Variants in VPS13A observed in about 807,000 individuals in gnomAD.
VPS13A encodes the protein vacuolar protein sorting 13 homolog A.
VPS13A carries 264 observed loss-of-function variants against 390.9 expected under a neutral mutation model. The observed-to-expected ratio is 0.68, with a 90% CI of 0.61 to 0.75. The LOEUF is 0.75. Ranked by LOEUF, VPS13A falls within the 30% of genes least tolerant of loss-of-function variation. VPS13A has a pLI of 0.00. For synonymous variants in VPS13A, 1,231 were observed against 1,227.1 expected (o/e 1.00, Z -0.07); for missense variants, 3,409 against 3,733.9 (o/e 0.91, Z 2.27).
intron 50 of VPS13A, among the ~76,000 whole-genome samples, chr9:77,341,690 C>CTTTTTT (rs1830821898): frequency 1.7e-4 from 4 of 23,562 alleles, no homozygotes; most frequent in African/African-American, 7.6e-4. Context: ...GGACATCTTT[C>CTTTTTT]CTTTTTTTTT....
intron 13 of VPS13A, among the ~76,000 whole-genome samples, chr9:77,222,228 G>A (rs1182347897): frequency 6.6e-6 from 1 of 152,028 alleles, no homozygotes; most frequent in Non-Finnish European, 1.5e-5. Context: ...GAGTCTTTGG[G>A]GGATGGGTTC....
At chr9:77,204,991 G>T (rs1825553600) in intron 3 of VPS13A, among the ~76,000 whole-genome samples, 1 of 152,122 alleles carries the variant, frequency 6.6e-6, no homozygotes, top group Non-Finnish European at 1.5e-5. Context: ...GAAATTCAAA[G>T]TTATGATATT....
At chr9:77,357,434 C>G (rs1018638560) in intron 55 of VPS13A, among the ~76,000 whole-genome samples, 1 of 143,022 alleles carries the variant, frequency 7.0e-6, no homozygotes, top group Non-Finnish European at 1.5e-5. Flanking sequence ...TTTCACTGTA[C>G]TTTCTTTAAA....
Position 77,332,061 on chromosome 9 carries a change from T to C in VPS13A, c.6043T>C (p.Leu2015=), listed in dbSNP as rs1297538852. 4 of 1,612,380 alleles carry C rather than the reference T, an allele frequency of 2.5e-6. No individual in the cohort carries two copies. Among genetic ancestry groups the C allele is most frequent in the Admixed American group, 1.7e-5 (1 of 59,978 alleles). ...PLSVYEGDTL[L]GTASPENEFN... is the part of the protein sequence containing the mutation. The stretch of plus-strand genomic sequence containing the variant: ...GTCTGTTTACGAAGGGGATACCTTA[T>C]TGGGAACTGCCTCACCTGAAAATGA... Residue 2015 remains leucine, a synonymous_variant, in exon 46 of 72, where the codon TTG becomes CTG. Coordinates refer to ENST00000360280, the MANE Select transcript of VPS13A (RefSeq NM_033305.3).
intron 59 of VPS13A, among the ~76,000 whole-genome samples, chr9:77,362,076 A>G (rs772717327): frequency 6.6e-6 from 1 of 152,156 alleles, no homozygotes; most frequent in African/African-American, 2.4e-5. Flanking sequence ...CTTATCAGAT[A>G]CATAATTTTC....
intron 10 of VPS13A, among the ~76,000 whole-genome samples, chr9:77,216,195 A>C (rs770174048): frequency 1.3e-5 from 2 of 152,188 alleles, no homozygotes; most frequent in Non-Finnish European, 2.9e-5. Context: ...TTTTCTCTAC[A>C]TTCTCTGCCT....
intron 68 of VPS13A, chr9:77,382,438 G>C: frequency 7.2e-7 from 1 of 1,398,512 alleles, no homozygotes; most frequent in Non-Finnish European, 9.3e-7. Context: ...GAATTTTAAT[G>C]AATCTGGTTT....
At chr9:77,180,088 A>T (rs1312218205) in intron 1 of VPS13A, among the ~76,000 whole-genome samples, 1 of 152,184 alleles carries the variant, frequency 6.6e-6, no homozygotes, top group African/African-American at 2.4e-5. Flanking sequence ...CATAGACCAC[A>T]ATTTATTTAT....
chr9:77,315,031 T>C (rs1390097775), intron 37 of VPS13A, among the ~76,000 whole-genome samples: 1 of 152,182 alleles, frequency 6.6e-6, no homozygotes, highest in African/African-American at 2.4e-5. Context: ...ATTCAAACTC[T>C]TATAATTTAT....
intron 69 of VPS13A, among the ~76,000 whole-genome samples, chr9:77,405,112 CA>C (rs1191118798): frequency 6.6e-6 from 1 of 151,962 alleles, no homozygotes; most frequent in East Asian, 1.9e-4. Context: ...TTCTTATAGA[CA>C]GAAGGTATTT....
At chr9:77,382,174 T>C in intron 68 of VPS13A, 87 bp downstream of exon 68, 1 of 1,332,598 alleles carries the variant, frequency 7.5e-7, no homozygotes, top group East Asian at 2.6e-5. Flanking sequence ...ATTAAATTAT[T>C]TGGGCTTTTA....
intron 1 of VPS13A, among the ~76,000 whole-genome samples, chr9:77,190,987 G>C (rs895330916): frequency 2.6e-5 from 4 of 151,422 alleles, no homozygotes; most frequent in African/African-American, 9.7e-5. Context: ...TGTTAGTCTG[G>C]CTGGCAATCT....
chr9:77,329,748 A>G (rs978824374), intron 45 of VPS13A, among the ~76,000 whole-genome samples: 2 of 152,238 alleles, frequency 1.3e-5, no homozygotes, highest in East Asian at 1.9e-4. Context: ...AATATCTGCA[A>G]TTCACAATAA....
In VPS13A at chr9:77,419,038, G is replaced by C. The variant is rs1015951469; in HGVS notation, c.*3032G>C. On this transcript the variant is annotated 3_prime_UTR_variant, in exon 72 of 72. Coordinates refer to ENST00000360280, the MANE Select transcript of VPS13A (RefSeq NM_033305.3). ...TTAAAAAGATTGGGACAAAATACTT[G>C]ATTAGTTTGCCTGTAGAAGCTCAAA... is the stretch of plus-strand genomic sequence containing the variant. 5.9e-5 allele frequency: 9 copies of C among 152,164 alleles called. No homozygotes were observed. The highest frequency in any genetic ancestry group is 1.9e-4 in the African/African-American group (8 of 41,434). 9.4% of individuals were successfully genotyped at this position (152,164 alleles called of 1,614,324 possible).
chr9:77,398,000 G>T (rs968760025), intron 68 of VPS13A, among the ~76,000 whole-genome samples: 14 of 152,076 alleles, frequency 9.2e-5, no homozygotes, highest in African/African-American at 3.4e-4. Flanking sequence ...GCCAAATCTT[G>T]GTCTTTATGT....
rs748999076 is a variant in VPS13A, at chr9:77,221,316, CAAGT to C, written c.1125_1128del (p.Ser375ArgfsTer23). Reference sequence around the variant, plus strand: ...AAAGAACTGTATAAAAAAAAGTTAACAAGTAAGAAGCCACCTGGTGAACTTCTCG... The same window carrying C: ...AAAGAACTGTATAAAAAAAAGTTAACAAGAAGCCACCTGGTGAACTTCTCG... On this transcript the variant is annotated frameshift_variant, in exon 13 of 72. Transcript: ENST00000360280. LOFTEE classifies it high-confidence loss of function. The C allele has an allele frequency of 6.2e-6, 10 of 1,613,004 alleles. No homozygotes were observed. Among genetic ancestry groups the C allele is most frequent in the South Asian group, 2.2e-5 (2 of 91,052 alleles).
intron 26 of VPS13A, 28 bp from the exon 27 acceptor site, chr9:77,280,131 A>G (rs1826933008): frequency 1.3e-6 from 2 of 1,524,892 alleles, no homozygotes; most frequent in African/African-American, 1.4e-5. Context: ...TTCCGATGAA[A>G]AGATAATTTT....
intron 1 of VPS13A, among the ~76,000 whole-genome samples, chr9:77,194,363 G>A (rs539216919): frequency 2.0e-5 from 3 of 151,336 alleles, no homozygotes; most frequent in African/African-American, 4.9e-5. Flanking sequence ...ATGGGGGTTG[G>A]GGGGGGCGCT....
intron 68 of VPS13A, among the ~76,000 whole-genome samples, chr9:77,398,362 C>T (rs1230682046): frequency 6.6e-6 from 1 of 151,972 alleles, no homozygotes; most frequent in Non-Finnish European, 1.5e-5. Flanking sequence ...GCAACTAACC[C>T]CAAGCAAGTC....
Sources: gnomAD v4.1 joint callset for allele counts (sites outside exome capture counted in the v4.1 genomes callset) on GRCh38, gnomAD v4.1.1 for gene constraint, MANE v1.5 for transcripts, NCBI Gene and HGNC (gene_info 2026-07-23, HGNC 2026-07-21) for gene names.